SECISBP2L: variants seen among roughly 807,000 people sequenced by gnomAD.
SECISBP2L encodes SECIS binding protein 2 like.
In SECISBP2L, 43 loss-of-function variants were observed where a neutral mutation model predicts 114.7. That is an observed-to-expected ratio of 0.38 (90% CI 0.29 to 0.48). The LOEUF is 0.48. Ranked by LOEUF, SECISBP2L falls within the 20% of genes least tolerant of loss-of-function variation. The pLI, the probability that SECISBP2L is intolerant of heterozygous loss-of-function variation, is 0.98. For missense variants in SECISBP2L, 1,136 were observed against 1,301.1 expected (o/e 0.87, Z 1.95); for synonymous variants, 451 against 439.7 (o/e 1.03, Z -0.32).
Position 49,016,717 on chromosome 15 carries a change from A to T in SECISBP2L, c.1420-16T>A. ...ATAAAGCTTCCTACAAAATAAATAT[A>T]AAAAATTAATTTTTTTGTTATAGTA... On this transcript the variant is annotated splice_polypyrimidine_tract_variant and intron_variant, in intron 10 of 17. Coordinates refer to ENST00000559471, the MANE Select transcript of SECISBP2L (RefSeq NM_001193489.2). 6.5e-7 allele frequency: 1 copy of T among 1,529,584 alleles called. No individual in the cohort carries two copies. Among genetic ancestry groups the T allele is most frequent in the Non-Finnish European group, 8.7e-7 (1 of 1,143,122 alleles). 94.8% of individuals were successfully genotyped at this position (1,529,584 alleles called of 1,614,324 possible). A position where few individuals can be genotyped will look rare whatever the true frequency, so the allele number is the denominator to read the frequency against.
chr15:49,014,774 TATATC>T (rs1232888331), intron 11 of SECISBP2L, among the ~76,000 whole-genome samples: 2 of 147,882 alleles, frequency 1.4e-5, no homozygotes, highest in African/African-American at 4.9e-5. Context: ...TTATAGTAAT[TATATC>T]ATATTAACAT....
intron 4 of SECISBP2L, among the ~76,000 whole-genome samples, chr15:49,031,379 A>T (rs1902886587): frequency 6.6e-6 from 1 of 152,060 alleles, no homozygotes; most frequent in Non-Finnish European, 1.5e-5. Flanking sequence ...TATACATCCC[A>T]TATGTCTTCT....
At chr15:49,010,904 C>A (rs1322467880) in intron 13 of SECISBP2L, among the ~76,000 whole-genome samples, 1 of 152,206 alleles carries the variant, frequency 6.6e-6, no homozygotes, top group Non-Finnish European at 1.5e-5. Flanking sequence ...CCAACGTCCT[C>A]CTGCCGCTCT....
intron 1 of SECISBP2L, among the ~76,000 whole-genome samples, chr15:49,044,764 T>C (rs1253629800): frequency 6.6e-6 from 1 of 152,222 alleles, no homozygotes; most frequent in African/African-American, 2.4e-5. Flanking sequence ...CACTTGCTGC[T>C]AGGATAATCA....
chr15:49,000,106 T>G, intron 15 of SECISBP2L, 119 bp from the exon 16 acceptor site: 1 of 948,710 alleles, frequency 1.1e-6, no homozygotes, highest in Non-Finnish European at 1.6e-6. Flanking sequence ...TTGTAGCACT[T>G]AACGCTGTTA....
chr15:49,046,024 C>A (rs1162229654), intron 1 of SECISBP2L, among the ~76,000 whole-genome samples: 1 of 152,208 alleles, frequency 6.6e-6, no homozygotes, highest in African/African-American at 2.4e-5. Context: ...CTTCTGACCC[C>A]TTCACCAAGC....
chr15:49,027,856 A>C (rs754926487), intron 6 of SECISBP2L, among the ~76,000 whole-genome samples: 3 of 151,924 alleles, frequency 2.0e-5, no homozygotes, highest in Non-Finnish European at 4.4e-5. Context: ...TGATCCACCC[A>C]CCTCGGCCTC....
intron 1 of SECISBP2L, among the ~76,000 whole-genome samples, chr15:49,043,449 T>C (rs1290526322): frequency 6.6e-5 from 10 of 152,148 alleles, no homozygotes. Context: ...TTAAATTATT[T>C]GTGATAACAG....
intron 11 of SECISBP2L, 21 bp from the exon 12 acceptor site, chr15:49,012,838 T>G (rs781173542): frequency 6.3e-7 from 1 of 1,596,768 alleles, no homozygotes; most frequent in East Asian, 2.2e-5. Flanking sequence ...AGAGGAACAT[T>G]AGTTTCACCA....
chr15:49,022,392 G>A (rs1902657461), intron 7 of SECISBP2L, among the ~76,000 whole-genome samples: 1 of 152,222 alleles, frequency 6.6e-6, no homozygotes, highest in African/African-American at 2.4e-5. Context: ...TTGAGGTCAG[G>A]AGTTCGAGAC....
chr15:48,994,856 AAAAC>A (rs1199724848), intron 17 of SECISBP2L, among the ~76,000 whole-genome samples: 3 of 151,876 alleles, frequency 2.0e-5, no homozygotes, highest in Non-Finnish European at 4.4e-5. Flanking sequence ...AAAAAAAAAA[AAAAC>A]AGTCTAGTAA....
At chr15:49,014,816 G>T (rs373202496) in intron 11 of SECISBP2L, among the ~76,000 whole-genome samples, 1 of 146,626 alleles carries the variant, frequency 6.8e-6, no homozygotes, top group African/African-American at 2.5e-5. Context: ...GTTTGTTTAT[G>T]TATATTAACA....
chr15:49,035,207 T>A (rs1418200595), intron 3 of SECISBP2L, 127 bp downstream of exon 3: 3 of 781,904 alleles, frequency 3.8e-6, no homozygotes, highest in African/African-American at 1.7e-5. Context: ...CCTTTACCAT[T>A]TTACAATAGT....
In SECISBP2L at chr15:49,027,387, G is replaced by C; in HGVS notation, c.1013C>G (p.Thr338Ser). The C allele has an allele frequency of 6.2e-7, 1 of 1,609,730 alleles. No individual in the cohort carries two copies. The highest frequency in any genetic ancestry group is 8.5e-7 in the Non-Finnish European group (1 of 1,177,312). ...TACCTGTGAATTATTTCTTTGTTCAGTTTGCCTTCCACCTCTAGAAAATGT... is the reference window on the plus strand; with the variant it reads ...TACCTGTGAATTATTTCTTTGTTCACTTTGCCTTCCACCTCTAGAAAATGT... ...NQTFSRGGRQ[T>S]EQRNNSQVGF... Residue 338 changes from threonine (T) to serine (S), a missense_variant, in exon 7 of 18, where the codon ACT becomes AGT. This residue lies in a region of SECISBP2L where 452 missense variants were observed against 452.3 expected (regional missense o/e 1.00). Coordinates refer to ENST00000559471, the MANE Select transcript of SECISBP2L (RefSeq NM_001193489.2).
rs551885037 is a variant in SECISBP2L, at chr15:49,033,090, A to G, written c.539T>C (p.Leu180Ser). 6.2e-7 allele frequency: 1 copy of G among 1,612,678 alleles called. No homozygotes were observed. The highest frequency in any genetic ancestry group is 1.3e-5 in the African/African-American group (1 of 74,880). The change falls in exon 4 of 18, where the codon TTA becomes TCA. Residue 180 changes from leucine (L) to serine (S), a missense_variant. Around this residue, in one of 2 missense-constraint regions of SECISBP2L, gnomAD observed 452 missense variants for 452.3 expected, o/e 1.00. Transcript: ENST00000559471. ...CCTTTTGCTTTTTATGTGCTGTTGT[A>G]AAAGCTGTTGCTGATTTAAAAAAAA... ...RGSVVPKQQL[L>S]QQHIKSKRPL...
In SECISBP2L at chr15:49,034,652, T is replaced by C. The variant is rs115886385; in HGVS notation, c.528+682A>G. Among the ~76,000 whole-genome samples the C allele has an allele frequency of 2.9e-3, 425 of 147,712 alleles. 1 individual carries two copies. Among genetic ancestry groups the C allele is most frequent in the African/African-American group, 1.0e-2 (401 of 40,210 alleles). On this transcript the variant is annotated intron_variant, in intron 3 of 17. Coordinates refer to ENST00000559471, the MANE Select transcript of SECISBP2L (RefSeq NM_001193489.2). ...AATGTCTCCAGCTAACTTTTGAAGA[T>C]TGAAAGTATATCTTTTGTTTTTTTT... is the stretch of plus-strand genomic sequence containing the variant.
intron 3 of SECISBP2L, among the ~76,000 whole-genome samples, chr15:49,035,061 C>A (rs1849388584): frequency 6.6e-6 from 1 of 152,118 alleles, no homozygotes; most frequent in Non-Finnish European, 1.5e-5. Context: ...ATTTTTATCA[C>A]TAAATTTATT....
intron 7 of SECISBP2L, 192 bp from the exon 8 acceptor site, chr15:49,019,744 A>G (rs1902604963): frequency 4.8e-6 from 2 of 418,008 alleles, no homozygotes; most frequent in African/African-American, 2.1e-5. Context: ...AAAATGAGAC[A>G]ATTAATCCAC....
intron 3 of SECISBP2L, among the ~76,000 whole-genome samples, chr15:49,034,673 T>TTTTTTTG (rs1370929980): frequency 1.3e-5 from 2 of 148,990 alleles, no homozygotes; most frequent in Non-Finnish European, 3.0e-5. Context: ...TCTTTTGTTT[T>TTTTTTTG]TTTTTTTTTG....
Sources: gnomAD v4.1 joint callset for allele counts (sites outside exome capture counted in the v4.1 genomes callset) on GRCh38, gnomAD v4.1.1 for gene constraint, gnomAD v4.1.1 regional missense constraint, MANE v1.5 for transcripts, NCBI Gene and HGNC (gene_info 2026-07-23, HGNC 2026-07-21) for gene names.